The following NRXN3 variants were observed in gnomAD, a reference collection of about 807,000 sequenced individuals.
NRXN3 encodes the protein neurexin III.
In NRXN3, 32 loss-of-function variants were observed where a neutral mutation model predicts 137.6. That is an observed-to-expected ratio of 0.23 (90% CI 0.18 to 0.31). The LOEUF is 0.31. Among genes scored for constraint, NRXN3 ranks in the 10% least tolerant of loss-of-function variants. NRXN3 has a pLI of 1.00. For missense variants in NRXN3, 1,574 were observed against 2,062.5 expected, an observed-to-expected ratio of 0.76 and a Z score of 4.59; for synonymous variants, 798 against 784.5, an observed-to-expected ratio of 1.02 and a Z score of -0.29.
intron 16 of NRXN3, among the ~76,000 whole-genome samples, chr14:79,632,903 T>G (rs221482): frequency 0.26 from 40,177 of 152,058 alleles, 6,023 homozygotes; most frequent in African/African-American, 0.4. Context: ...TTTATAGCAC[T>G]AACATTGTGT....
At chr14:79,534,669 AG>A (rs1259734357) in intron 16 of NRXN3, among the ~76,000 whole-genome samples, 3 of 152,162 alleles carry the variant, frequency 2.0e-5, no homozygotes, top group Non-Finnish European at 2.9e-5. Flanking sequence ...AAAACAAAAA[AG>A]ACAAAAAACA....
intron 4 of NRXN3, among the ~76,000 whole-genome samples, chr14:78,618,854 G>A (rs1353210792): frequency 6.6e-6 from 1 of 152,148 alleles, no homozygotes; most frequent in Non-Finnish European, 1.5e-5. Flanking sequence ...AGAAATTTTT[G>A]TGCTCCAAAT....
intron 8 of NRXN3, among the ~76,000 whole-genome samples, chr14:78,718,653 G>C (rs2098445495): frequency 6.6e-6 from 1 of 152,180 alleles, no homozygotes; most frequent in Non-Finnish European, 1.5e-5. Flanking sequence ...TGCCTGTGAA[G>C]ATGAGCTACT....
At chr14:78,650,105 T>C (rs2152620828) in intron 5 of NRXN3, among the ~76,000 whole-genome samples, 1 of 152,270 alleles carries the variant, frequency 6.6e-6, no homozygotes, top group East Asian at 1.9e-4. Context: ...TTCTTTTCTT[T>C]TATTTAGTAA....
At chr14:79,857,759 C>A (rs1186980780) in intron 20 of NRXN3, among the ~76,000 whole-genome samples, 1 of 151,888 alleles carries the variant, frequency 6.6e-6, no homozygotes, top group East Asian at 1.9e-4. Context: ...TCATAAGGAC[C>A]CCCGTGTACT....
intron 10 of NRXN3, among the ~76,000 whole-genome samples, chr14:78,818,810 A>G (rs1203382562): frequency 1.3e-5 from 2 of 152,062 alleles, no homozygotes; most frequent in East Asian, 3.9e-4. Flanking sequence ...AGACTGAGTA[A>G]TTTCTTTATC....
chr14:78,349,826 G>A (rs968333197), intron 4 of NRXN3, among the ~76,000 whole-genome samples: 2 of 152,186 alleles, frequency 1.3e-5, no homozygotes, highest in Non-Finnish European at 2.9e-5. Flanking sequence ...TGCTCAGTGG[G>A]TGTTTCATAT....
In NRXN3 at chr14:79,611,240, T is replaced by C. The variant is rs994875102; in HGVS notation, c.3445-52538T>C. Among the ~76,000 whole-genome samples the C allele has an allele frequency of 5.9e-5, 9 of 152,308 alleles. No individual in the cohort carries two copies. In the Middle Eastern group the frequency reaches 0.01, roughly 174 times the overall value. ...TATTATAGAAAATGCTTATAGTACA[T>C]GTTAAGTGAGAAAGGTAAGGTAAAA... On this transcript the variant is annotated intron_variant, in intron 16 of 20. Transcript: ENST00000335750.
At chr14:79,693,835 T>C (rs555570200) in intron 18 of NRXN3, among the ~76,000 whole-genome samples, 4 of 152,030 alleles carry the variant, frequency 2.6e-5, no homozygotes, top group Non-Finnish European at 5.9e-5. Context: ...CTTAAATATA[T>C]GTATGATTAT....
intron 2 of NRXN3, among the ~76,000 whole-genome samples, chr14:78,259,396 T>C (rs2070300492): frequency 6.6e-6 from 1 of 152,148 alleles, no homozygotes; most frequent in South Asian, 2.1e-4. Context: ...GAGTTAAACA[T>C]GATTAAACAT....
At chr14:78,435,238 G>A (rs1476908273) in intron 4 of NRXN3, among the ~76,000 whole-genome samples, 1 of 152,154 alleles carries the variant, frequency 6.6e-6, no homozygotes, top group East Asian at 1.9e-4. Flanking sequence ...TTATGTGATT[G>A]TTCTTGGAAG....
intron 20 of NRXN3, among the ~76,000 whole-genome samples, chr14:79,852,969 T>C (rs751296694): frequency 1.2e-4 from 18 of 152,292 alleles, no homozygotes; most frequent in Admixed American, 2.6e-4. Flanking sequence ...AATTGTTTTC[T>C]GCAGTTTTTC....
At chr14:79,509,474 C>A (rs2096911128) in intron 16 of NRXN3, among the ~76,000 whole-genome samples, 2 of 151,806 alleles carry the variant, frequency 1.3e-5, no homozygotes, top group South Asian at 4.2e-4. Flanking sequence ...CAAGATCCCA[C>A]CACTGCTCTA....
At chr14:79,043,049 A>G (rs2099627561) in intron 15 of NRXN3, among the ~76,000 whole-genome samples, 1 of 152,214 alleles carries the variant, frequency 6.6e-6, no homozygotes, top group Non-Finnish European at 1.5e-5. Context: ...TTCTTAAAAA[A>G]AGTTAATCAG....
intron 4 of NRXN3, chr14:78,300,665 C>T (rs1196401963): frequency 6.5e-7 from 1 of 1,529,266 alleles, no homozygotes; most frequent in Non-Finnish European, 8.8e-7. Context: ...CTTAATTGGA[C>T]CTTCATTTCT....
In NRXN3 at chr14:79,864,325, G is replaced by A. The variant is rs912009409; in HGVS notation, c.*2361G>A. On this transcript the variant is annotated 3_prime_UTR_variant, in exon 21 of 21. Transcript: ENST00000335750. ...AACCTAAAGGAATTTATTTAATGAT[G>A]TTGTGACATTACTGCTTTTTCTTTT... 24 of 152,594 alleles carry A rather than the reference G, an allele frequency of 1.6e-4. No homozygotes were observed. Among genetic ancestry groups the A allele is most frequent in the African/African-American group, 5.8e-4 (24 of 41,436 alleles). 9.5% of individuals were successfully genotyped at this position (152,594 alleles called of 1,614,324 possible). A position where few individuals can be genotyped will look rare whatever the true frequency, so the allele number is the denominator to read the frequency against.
intron 15 of NRXN3, among the ~76,000 whole-genome samples, chr14:79,219,099 G>A (rs1055014344): frequency 1.3e-5 from 2 of 151,990 alleles, no homozygotes; most frequent in African/African-American, 4.8e-5. Context: ...ATAAATGTTA[G>A]TAAAACACAT....
chr14:79,139,356 G>A (rs1405683558), intron 15 of NRXN3, among the ~76,000 whole-genome samples: 2 of 152,084 alleles, frequency 1.3e-5, no homozygotes, highest in Non-Finnish European at 2.9e-5. Flanking sequence ...GTGTATCTAG[G>A]CCTGCATATA....
chr14:78,579,656 C>T (rs187289751), intron 4 of NRXN3, among the ~76,000 whole-genome samples: 26 of 152,174 alleles, frequency 1.7e-4, no homozygotes, highest in Admixed American at 1.2e-3. Context: ...GTGATGGCTT[C>T]GTAGAATCAA....
Sources: allele counts gnomAD v4.1 joint callset (sites outside exome capture counted in the v4.1 genomes callset), GRCh38; gene constraint gnomAD v4.1.1; transcripts MANE v1.5; gene names NCBI Gene and HGNC (gene_info 2026-07-23, HGNC 2026-07-21).